Variants in ANAPC1 observed in about 807,000 individuals in gnomAD.
The protein encoded by ANAPC1 is anaphase promoting complex subunit 1.
A neutral mutation model predicts 208.0 loss-of-function variants in ANAPC1; 36 were observed. The ratio of observed to expected loss-of-function variants is 0.17; its 90% CI spans 0.13 to 0.23. The LOEUF (loss-of-function observed/expected upper bound fraction) is 0.23. ANAPC1 is among the 10% of genes least tolerant of loss of function. The pLI is 1.00. For synonymous variants in ANAPC1, 378 were observed against 695.2 expected, an observed-to-expected ratio of 0.54 and a Z score of 7.18; for missense variants, 942 against 2,011.6, an observed-to-expected ratio of 0.47 and a Z score of 10.17.
intron 43 of ANAPC1, chr2:111,780,887 G>A (rs887494985): frequency 1.4e-4 from 24 of 169,452 alleles, no homozygotes; most frequent in Non-Finnish European, 2.4e-4. Flanking sequence ...ATAGATCTCA[G>A]GTCTGCAAGA....
At chr2:111,838,085 C>CAAAAAAAAAAA (rs57089465) in intron 18 of ANAPC1, among the ~76,000 whole-genome samples, 4 of 103,506 alleles carry the variant, frequency 3.9e-5, no homozygotes, top group Non-Finnish European at 6.2e-5. Context: ...TACTCCGTCT[C>CAAAAAAAAAAA]AAAAAAAAAA....
chr2:111,783,739 G>T (rs886497997), intron 42 of ANAPC1, among the ~76,000 whole-genome samples, 158 bp downstream of exon 42: 23 of 152,274 alleles, frequency 1.5e-4, no homozygotes, highest in Non-Finnish European at 2.6e-4. Context: ...CTGTTTCAAA[G>T]ATACAGACTG....
In ANAPC1 at chr2:111,790,517, G is replaced by C. The variant is rs184794080; in HGVS notation, c.4712+1845C>G. 3.9e-5 allele frequency among the ~76,000 whole-genome samples: 6 copies of C among 152,264 alleles called. No homozygotes were observed. In the East Asian group the frequency reaches 9.7e-4, roughly 25 times the overall value. ...GTGGTACTGCAGAGCAGTGGAGAAG[G>C]ATAAACTTTTCAATAGCAGCGGGAA... On this transcript the variant is annotated intron_variant, in intron 38 of 47. Transcript: ENST00000341068.
chr2:111,880,974 T>A, intron 1 of ANAPC1, 125 bp from the exon 2 acceptor site: 1 of 887,898 alleles, frequency 1.1e-6, no homozygotes. Context: ...GGTAAGTATA[T>A]AAGTTGGTCA....
chr2:111,801,922 G>A (rs1234773128), intron 33 of ANAPC1, among the ~76,000 whole-genome samples: 1 of 151,848 alleles, frequency 6.6e-6, no homozygotes, highest in Non-Finnish European at 1.5e-5. Flanking sequence ...AAGAATTAGA[G>A]GGAAAATTTT....
At chr2:111,876,826 G>T (rs1516636) in intron 3 of ANAPC1, among the ~76,000 whole-genome samples, 7,961 of 148,278 alleles carry the variant, frequency 0.054, 660 homozygotes, top group African/African-American at 0.18. Context: ...TTACAAAAAT[G>T]AAACTTAACA....
intron 17 of ANAPC1, among the ~76,000 whole-genome samples, chr2:111,842,773 T>G (rs1026578054): frequency 1.2e-4 from 18 of 151,944 alleles, no homozygotes; most frequent in African/African-American, 4.4e-4. Flanking sequence ...GGCAAAGTTG[T>G]CCTGGGAGTG....
At position 111,841,714 on chromosome 2, in the gene ANAPC1, C is replaced by T. The variant is rs183949108; in HGVS notation, c.2040+1698G>A. ...GTCACTGGGGGATTCTACGCAGAGG[C>T]GTGACGAACGCAACCTGACGTTATC... On this transcript the variant is annotated intron_variant, in intron 17 of 47. Coordinates refer to ENST00000341068, the MANE Select transcript of ANAPC1 (RefSeq NM_022662.4). Among the ~76,000 whole-genome samples the T allele has an allele frequency of 1.1e-3, 160 of 152,170 alleles. 1 individual carries two copies. The highest frequency in any genetic ancestry group is 3.3e-3 in the African/African-American group (135 of 41,518).
chr2:111,844,856 T>C (rs183500236), intron 16 of ANAPC1, among the ~76,000 whole-genome samples: 11 of 152,278 alleles, frequency 7.2e-5, no homozygotes, highest in Non-Finnish European at 1.5e-4. Flanking sequence ...ATTCTTTTTT[T>C]GGTAAGGGGA....
intron 3 of ANAPC1, among the ~76,000 whole-genome samples, chr2:111,875,546 G>C (rs981010513): frequency 2.0e-5 from 3 of 152,018 alleles, no homozygotes; most frequent in African/African-American, 7.2e-5. Flanking sequence ...TCTTTTACCT[G>C]AACAGTCACA....
chr2:111,798,852 G>A (rs1198892569), intron 34 of ANAPC1, among the ~76,000 whole-genome samples: 1 of 152,212 alleles, frequency 6.6e-6, no homozygotes, highest in African/African-American at 2.4e-5. Flanking sequence ...GGCTAACACA[G>A]TGAAACCCCG....
chr2:111,856,596 G>A lies in ANAPC1; in HGVS notation c.1515+18C>T. On this transcript the variant is annotated intron_variant, in intron 13 of 47. Coordinates refer to ENST00000341068, the MANE Select transcript of ANAPC1 (RefSeq NM_022662.4). ...CCTGAAGTCCTACTAAAGGCATGAAGTGCTACTTATTGCTTACCCGAACCA... is the reference window on the plus strand; with the variant it reads ...CCTGAAGTCCTACTAAAGGCATGAAATGCTACTTATTGCTTACCCGAACCA... 6.2e-7 allele frequency: 1 copy of A among 1,607,244 alleles called. No homozygotes were observed. The highest frequency in any genetic ancestry group is 8.5e-7 in the Non-Finnish European group (1 of 1,174,052).
intron 13 of ANAPC1, among the ~76,000 whole-genome samples, chr2:111,855,145 G>A (rs1258342401): frequency 6.6e-6 from 1 of 152,174 alleles, no homozygotes; most frequent in Non-Finnish European, 1.5e-5. Context: ...GAGGCAGGAG[G>A]AGACAGAGAG....
intron 34 of ANAPC1, among the ~76,000 whole-genome samples, chr2:111,795,364 A>G (rs568265753): frequency 1.2e-3 from 173 of 149,796 alleles, no homozygotes; most frequent in African/African-American, 4.2e-3. Flanking sequence ...CCTGGGTGAT[A>G]GAGTGAGACT....
In ANAPC1 at chr2:111,767,689, C is replaced by T. The variant is rs1434025812; in HGVS notation, c.*1602G>A. ...AGGAAAAGCACACAATCGTAAACAACGGAGAGTGAAGACAGTAACAACTGG... is the reference window on the plus strand; with the variant it reads ...AGGAAAAGCACACAATCGTAAACAATGGAGAGTGAAGACAGTAACAACTGG... On this transcript the variant is annotated 3_prime_UTR_variant, in exon 48 of 48. Transcript: ENST00000341068. 4.1e-5 allele frequency: 5 copies of T among 121,190 alleles called. 2 individuals carry two copies. The highest frequency in any genetic ancestry group is 7.0e-5 in the African/African-American group (2 of 28,658). 7.5% of individuals were successfully genotyped at this position (121,190 alleles called of 1,614,324 possible). A position where few individuals can be genotyped will look rare whatever the true frequency, so the allele number is the denominator to read the frequency against.
At position 111,838,443 on chromosome 2, in the gene ANAPC1, C is replaced by A. The variant is rs1248805927; in HGVS notation, c.2110G>T (p.Asp704Tyr). 6.2e-7 allele frequency: 1 copy of A among 1,601,938 alleles called. No individual in the cohort carries two copies. The highest frequency in any genetic ancestry group is 8.5e-7 in the Non-Finnish European group (1 of 1,176,394). The change falls in exon 18 of 48, where the codon GAT becomes TAT. Residue 704 changes from aspartate (D) to tyrosine (Y), a missense_variant. Physicochemically the swap from Asp to Tyr is radical, Grantham distance 160. Coordinates refer to ENST00000341068, the MANE Select transcript of ANAPC1 (RefSeq NM_022662.4). ...CAAGAAATAATAATGCTTACATCATCAGATCCAGTCTCGGAAGGCCTTGCT... is the reference window on the plus strand; with the variant it reads ...CAAGAAATAATAATGCTTACATCATAAGATCCAGTCTCGGAAGGCCTTGCT... ...KKARPSETGSDDDWEYLLNSD... is the reference protein window; with the variant it reads ...KKARPSETGSYDDWEYLLNSD...
intron 39 of ANAPC1, among the ~76,000 whole-genome samples, chr2:111,787,686 A>C (rs1677638745): frequency 6.6e-6 from 1 of 152,010 alleles, no homozygotes; most frequent in Admixed American, 6.6e-5. Context: ...CCTAAAACAC[A>C]GAGCTTTTAA....
Position 111,792,678 on chromosome 2 carries a change from C to CGT in ANAPC1, c.4519-124_4519-123insAC, listed in dbSNP as rs1371319981. On this transcript the variant is annotated intron_variant, in intron 37 of 47. Coordinates refer to ENST00000341068, the MANE Select transcript of ANAPC1 (RefSeq NM_022662.4). Reference sequence around the variant, plus strand: ...AACTTAAAAAAAAATCTGGGCTGGGCACTGTGGCTCACGCCTGTAATCCCA... The same window carrying CGT: ...AACTTAAAAAAAAATCTGGGCTGGGCGTACTGTGGCTCACGCCTGTAATCCCA... The CGT allele has an allele frequency of 7.6e-4, 508 of 667,524 alleles. 1 individual carries two copies. Among genetic ancestry groups the CGT allele is most frequent in the Non-Finnish European group, 1.0e-3 (403 of 396,384 alleles). 41.4% of individuals were successfully genotyped at this position (667,524 alleles called of 1,614,324 possible).
intron 34 of ANAPC1, among the ~76,000 whole-genome samples, chr2:111,798,350 T>TTC (rs1405059797): frequency 1.3e-5 from 2 of 152,200 alleles, no homozygotes; most frequent in Non-Finnish European, 2.9e-5. Context: ...CTAACACACA[T>TTC]TCTCCTGAGA....
Sources: allele counts gnomAD v4.1 joint callset (sites outside exome capture counted in the v4.1 genomes callset), GRCh38; gene constraint gnomAD v4.1.1; transcripts MANE v1.5; gene names NCBI Gene and HGNC (gene_info 2026-07-23, HGNC 2026-07-21).